Variants in CROT observed in about 807,000 individuals in gnomAD.
CROT encodes peroxisomal carnitine O-octanoyltransferase.
In CROT, 84 loss-of-function variants were observed where a neutral mutation model predicts 89.2. That is an observed-to-expected ratio of 0.94 (90% CI 0.79 to 1.13). The LOEUF (loss-of-function observed/expected upper bound fraction) is 1.13. CROT is among the 50% of genes most tolerant of loss of function. CROT has a pLI of 0.00. For synonymous variants in CROT, 212 were observed against 239.5 expected, an observed-to-expected ratio of 0.89 and a Z score of 1.06; for missense variants, 711 against 727.8, an observed-to-expected ratio of 0.98 and a Z score of 0.27.
chr7:87,347,856 G>C (rs1340500204), intron 2 of CROT, among the ~76,000 whole-genome samples: 1 of 152,148 alleles, frequency 6.6e-6, no homozygotes, highest in African/African-American at 2.4e-5. Context: ...GAGAACACAT[G>C]CATTCCTTTT....
At position 87,398,547 on chromosome 7, in the gene CROT, G is replaced by A; in HGVS notation, c.1742G>A (p.Trp581Ter). Reference sequence around the variant, plus strand: ...AGGTTTGTTGTGGCCTGTTCAGCCTGGAAATCCTGTCCCGAGACTGATGCG... The same window carrying A: ...AGGTTTGTTGTGGCCTGTTCAGCCTAGAAATCCTGTCCCGAGACTGATGCG... ...DDRFVVACSAWKSCPETDAEK... is the reference protein window; with the variant it reads ...DDRFVVACSA The change falls in exon 18 of 18, where the codon TGG (tryptophan) becomes TAG (stop). Residue 581 changes from tryptophan (W) to a stop codon, truncating the protein, a stop_gained. Coordinates refer to ENST00000331536, the MANE Select transcript of CROT (RefSeq NM_021151.4). LOFTEE classifies it high-confidence loss of function. 1 of 1,613,724 alleles carries A rather than the reference G, an allele frequency of 6.2e-7. No homozygotes were observed. Among genetic ancestry groups the A allele is most frequent in the Non-Finnish European group, 8.5e-7 (1 of 1,179,888 alleles).
chr7:87,349,025 AG>A (rs1473429696), intron 2 of CROT, 22 bp from the exon 3 acceptor site: 1 of 1,041,436 alleles, frequency 9.6e-7, no homozygotes, highest in Non-Finnish European at 1.5e-6. Flanking sequence ...TGAAGTTGTG[AG>A]GGCTCTCTCT....
In CROT at chr7:87,361,411, G is replaced by T; in HGVS notation, c.262G>T (p.Val88Phe). Residue 88 changes from valine to phenylalanine, a missense_variant, in exon 5 of 18, where the codon GTT becomes TTT. Coordinates refer to ENST00000331536, the MANE Select transcript of CROT (RefSeq NM_021151.4). ...TTAGCTGGAAGAGTGGTGGCTGAAT[G>T]TTGCCTATCTGGATGTTCGTATACC... ...RNWLEEWWLN[V>F]AYLDVRIPSQ... 1 of 1,613,378 alleles carries T rather than the reference G, an allele frequency of 6.2e-7. No homozygotes were observed. Among genetic ancestry groups the T allele is most frequent in the Admixed American group, 1.7e-5 (1 of 59,710 alleles).
chr7:87,366,544 A>C (rs1419663822), intron 6 of CROT, among the ~76,000 whole-genome samples: 1 of 152,084 alleles, frequency 6.6e-6, no homozygotes, highest in Admixed American at 6.6e-5. Flanking sequence ...CATTTCCTTC[A>C]GTTTATAGCT....
chr7:87,393,136 C>T, intron 17 of CROT, 69 bp downstream of exon 17: 3 of 1,491,444 alleles, frequency 2.0e-6, no homozygotes, highest in Non-Finnish European at 2.7e-6. Context: ...TTTTTAAATG[C>T]CTTTCCTACA....
chr7:87,369,874 C>G (rs802055), intron 7 of CROT, among the ~76,000 whole-genome samples: 1 of 148,498 alleles, frequency 6.7e-6, no homozygotes, highest in African/African-American at 2.5e-5. Context: ...TGGTATACAT[C>G]TTCTATGTAT....
chr7:87,357,699 T>A, intron 3 of CROT: 1 of 620,606 alleles, frequency 1.6e-6, no homozygotes, highest in Non-Finnish European at 2.9e-6. Context: ...TTATTTTAAG[T>A]TTTTCTTATA....
At chr7:87,384,356 AC>A (rs951800166) in intron 13 of CROT, among the ~76,000 whole-genome samples, 11 of 151,936 alleles carry the variant, frequency 7.2e-5, no homozygotes, top group African/African-American at 2.4e-4. Context: ...ACATAGCGAA[AC>A]CCTGTCTCTA....
chr7:87,390,195 T>C (rs987692000), intron 13 of CROT, among the ~76,000 whole-genome samples: 5 of 152,202 alleles, frequency 3.3e-5, no homozygotes, highest in Admixed American at 1.3e-4. Flanking sequence ...ATTTTGGTTA[T>C]GTTTTACAAT....
At position 87,369,828 on chromosome 7, in the gene CROT, T is replaced by C. The variant is rs193148761; in HGVS notation, c.656+344T>C. On this transcript the variant is annotated intron_variant, in intron 7 of 17. Coordinates refer to ENST00000331536, the MANE Select transcript of CROT (RefSeq NM_021151.4). ...TACCTAGCTTAAAAAATATATATAA[T>C]ATATAATATGTATTATATATGTATA... The C allele has an allele frequency of 4.4e-4, 66 of 148,866 alleles. 2 individuals carry two copies. The East Asian group carries it at 0.013, about 28-fold the overall frequency. 9.2% of individuals were successfully genotyped at this position (148,866 alleles called of 1,614,324 possible).
At chr7:87,357,762 A>G (rs1806129856) in intron 3 of CROT, among the ~76,000 whole-genome samples, 1 of 152,234 alleles carries the variant, frequency 6.6e-6, no homozygotes, top group South Asian at 2.1e-4. Context: ...CATGTGGGTG[A>G]GCAGACAACA....
chr7:87,359,658 G>T, intron 4 of CROT: 1 of 1,066,336 alleles, frequency 9.4e-7, no homozygotes, highest in East Asian at 8.1e-5. Context: ...TTGTCCAGGT[G>T]ACTAGCTTGA....
chr7:87,358,322 A>G (rs903227324), intron 3 of CROT, among the ~76,000 whole-genome samples: 28 of 141,584 alleles, frequency 2.0e-4, no homozygotes, highest in African/African-American at 4.2e-4. Context: ...CTAAAAATAC[A>G]AAAAAAAAAA....
At chr7:87,375,754 C>CT (rs1806790802) in intron 8 of CROT, 29 bp downstream of exon 8, 1 of 1,611,858 alleles carries the variant, frequency 6.2e-7, no homozygotes, top group Non-Finnish European at 8.5e-7. Flanking sequence ...CTTAACGAAG[C>CT]TTTTCTCTAA....
intron 13 of CROT, among the ~76,000 whole-genome samples, chr7:87,386,054 G>A (rs1807173348): frequency 6.6e-6 from 1 of 152,156 alleles, no homozygotes; most frequent in African/African-American, 2.4e-5. Flanking sequence ...ATGTGCTGTT[G>A]AGTTCAGTTT....
intron 2 of CROT, among the ~76,000 whole-genome samples, 174 bp downstream of exon 2, chr7:87,346,604 C>G (rs1805685709): frequency 6.6e-6 from 1 of 152,200 alleles, no homozygotes; most frequent in African/African-American, 2.4e-5. Flanking sequence ...CAAGAAAACT[C>G]TTCAAGAAAG....
chr7:87,391,880 T>C (rs1374003936), intron 14 of CROT, among the ~76,000 whole-genome samples, 168 bp downstream of exon 14: 1 of 152,196 alleles, frequency 6.6e-6, no homozygotes, highest in African/African-American at 2.4e-5. Flanking sequence ...CAGTGAAATG[T>C]GTAATTGGAA....
chr7:87,395,336 C>T (rs7801257), intron 17 of CROT, among the ~76,000 whole-genome samples: 1 of 152,106 alleles, frequency 6.6e-6, no homozygotes, highest in South Asian at 2.1e-4. Flanking sequence ...CCCAGATTAA[C>T]GGTGGGTCTG....
At chr7:87,381,579 A>G (rs1394342733) in intron 10 of CROT, among the ~76,000 whole-genome samples, 1 of 152,196 alleles carries the variant, frequency 6.6e-6, no homozygotes, top group African/African-American at 2.4e-5. Flanking sequence ...TTCGTGTTGC[A>G]TATATACACT....
Sources: allele counts gnomAD v4.1 joint callset (sites outside exome capture counted in the v4.1 genomes callset), GRCh38; gene constraint gnomAD v4.1.1; transcripts MANE v1.5; gene names NCBI Gene and HGNC (gene_info 2026-07-23, HGNC 2026-07-21).